The following AGPAT1 variants were observed in gnomAD, a reference collection of about 807,000 sequenced individuals.
The protein encoded by AGPAT1 is 1-acyl-sn-glycerol-3-phosphate acyltransferase alpha.
In AGPAT1, 6 loss-of-function variants were observed where a neutral mutation model predicts 31.2. The observed-to-expected ratio is 0.19, with a 90% confidence interval of 0.11 to 0.38. AGPAT1 has a LOEUF of 0.38. Ranked by LOEUF, AGPAT1 falls within the 10% of genes least tolerant of loss-of-function variation. The pLI is 1.00. For missense variants in AGPAT1, 187 were observed against 377.8 expected, an observed-to-expected ratio of 0.49 and a Z score of 4.19; for synonymous variants, 139 against 154.0, an observed-to-expected ratio of 0.90 and a Z score of 0.72.
Position 32,170,725 on chromosome 6 carries a change from G to A in AGPAT1, c.335-125C>T. 1 of 1,367,188 alleles carries A rather than the reference G, an allele frequency of 7.3e-7. No individual in the cohort carries two copies. Among genetic ancestry groups the A allele is most frequent in the Non-Finnish European group, 1.0e-6 (1 of 977,576 alleles). 84.7% of individuals were successfully genotyped at this position (1,367,188 alleles called of 1,614,324 possible). A position where few individuals can be genotyped will look rare whatever the true frequency, so the allele number is the denominator to read the frequency against. ...GGTGAAGGAGGAGACTAGGCAGGGA[G>A]GGGGGCCCCAAGTGAAGGAAAGGGT... On this transcript the variant is annotated intron_variant, in intron 3 of 6. Coordinates refer to ENST00000375107, the MANE Select transcript of AGPAT1 (RefSeq NM_006411.4). The surrounding 1 kb of genome is among the most constrained non-coding windows in gnomAD (Gnocchi z 7.7).
In AGPAT1 at chr6:32,170,176, C is replaced by T. The variant is rs766659199; in HGVS notation, c.595G>A (p.Val199Met). The T allele has an allele frequency of 6.2e-6, 10 of 1,614,014 alleles. No individual in the cohort carries two copies. The East Asian group carries it at 1.6e-4, about 25-fold the overall frequency. Reference sequence around the variant, plus strand: ...AGAGCAGTAGTCACCTGGGCCTGCACTGCAAGATGGAAGGCGCCACGTTTG... The same window carrying T: ...AGAGCAGTAGTCACCTGGGCCTGCATTGCAAGATGGAAGGCGCCACGTTTG... Reference protein sequence around the residue: ...PFKRGAFHLAVQAQVPIVPIV... With the variant: ...PFKRGAFHLAMQAQVPIVPIV... Residue 199 changes from valine to methionine, a missense_variant, in exon 5 of 7, where the codon GTG (valine) becomes ATG (methionine). Physicochemically the swap from Val to Met is conservative, Grantham distance 21. Coordinates refer to ENST00000375107, the MANE Select transcript of AGPAT1 (RefSeq NM_006411.4). The surrounding 1 kb of genome is among the most constrained non-coding windows in gnomAD (Gnocchi z 7.7).
Position 32,171,615 on chromosome 6 carries a change from G to A in AGPAT1, c.-9-110C>T, listed in dbSNP as rs1785113629. ...TGGTGCTATGAGGACAAGGGCCTGA[G>A]ACACAAACTGGGGCAGGGGTCTCAT... On this transcript the variant is annotated intron_variant, in intron 1 of 6. Coordinates refer to ENST00000375107, the MANE Select transcript of AGPAT1 (RefSeq NM_006411.4). The surrounding 1 kb of genome is among the most constrained non-coding windows in gnomAD (Gnocchi z 6.9). 1.4e-5 allele frequency: 20 copies of A among 1,410,386 alleles called. No homozygotes were observed. The highest frequency in any genetic ancestry group is 1.9e-5 in the Non-Finnish European group (20 of 1,048,598). 87.4% of individuals were successfully genotyped at this position (1,410,386 alleles called of 1,614,324 possible). A position where few individuals can be genotyped will look rare whatever the true frequency, so the allele number is the denominator to read the frequency against.
chr6:32,174,454 T>C lies in AGPAT1; in HGVS notation c.-10+1360A>G, dbSNP rs1439539568. 6.6e-6 allele frequency among the ~76,000 whole-genome samples: 1 copy of C among 152,180 alleles called. No individual in the cohort carries two copies. The highest frequency in any genetic ancestry group is 2.4e-5 in the African/African-American group (1 of 41,438). On this transcript the variant is annotated intron_variant, in intron 1 of 6. Transcript: ENST00000375107. This position sits in a 1 kb window ranked among gnomAD's most constrained non-coding sequence, Gnocchi z 4.5. ...GGAAGAGGTCATCTCACAAGAGAAATGTACCGAATGGGATCAAGATGCCAC... is the reference window on the plus strand; with the variant it reads ...GGAAGAGGTCATCTCACAAGAGAAACGTACCGAATGGGATCAAGATGCCAC...
Position 32,169,814 on chromosome 6 carries a change from C to T in AGPAT1, c.679+152G>A. Reference sequence around the variant, plus strand: ...CCCATCTGGCAGGGTATGGTGGGTGCTTAGTAAAGACTTATTGGCTGATGT... The same window carrying T: ...CCCATCTGGCAGGGTATGGTGGGTGTTTAGTAAAGACTTATTGGCTGATGT... On this transcript the variant is annotated intron_variant, in intron 6 of 6. Transcript: ENST00000375107. The surrounding 1 kb of genome is among the most constrained non-coding windows in gnomAD (Gnocchi z 5.9). 1.4e-6 allele frequency: 1 copy of T among 724,900 alleles called. No homozygotes were observed. Among genetic ancestry groups the T allele is most frequent in the Non-Finnish European group, 2.3e-6 (1 of 427,706 alleles). The allele number at this position is 724,900 out of a possible 1,614,324, so 44.9% of individuals were successfully genotyped here.
Position 32,169,259 on chromosome 6 carries a change from G to A in AGPAT1, c.*17C>T. 6.2e-7 allele frequency: 1 copy of A among 1,611,170 alleles called. No individual in the cohort carries two copies. Among genetic ancestry groups the A allele is most frequent in the Non-Finnish European group, 8.5e-7 (1 of 1,178,810 alleles). ...AGGAAGATGGGGACAGATGGGAGGA[G>A]AGCTCAGAGCCAGGGTTCACCCACC... On this transcript the variant is annotated 3_prime_UTR_variant, in exon 7 of 7. Transcript: ENST00000375107. This position sits in a 1 kb window ranked among gnomAD's most constrained non-coding sequence, Gnocchi z 5.9.
In AGPAT1 at chr6:32,171,414, C is replaced by G. The variant is rs1277567457; in HGVS notation, c.83G>C (p.Cys28Ser). The G allele has an allele frequency of 6.2e-7, 1 of 1,613,174 alleles. No homozygotes were observed. Among genetic ancestry groups the G allele is most frequent in the East Asian group, 2.2e-5 (1 of 44,886 alleles). ...LLFLLPTLWF[C>S]SPSAKYFFKM... Reference sequence around the variant, plus strand: ...GAAGAAGTACTTGGCACTGGGGCTGCAGAACCACAGGGTGGGCAGCAGGAA... The same window carrying G: ...GAAGAAGTACTTGGCACTGGGGCTGGAGAACCACAGGGTGGGCAGCAGGAA... The change falls in exon 2 of 7, where the codon TGC (cysteine) becomes TCC (serine). Residue 28 changes from cysteine (C) to serine (S), a missense_variant. By Grantham distance (112) the Cys-to-Ser change is moderately radical. This residue lies in a region of AGPAT1 where 45 missense variants were observed against 60.9 expected (regional missense o/e 0.74). Transcript: ENST00000375107. This position sits in a 1 kb window ranked among gnomAD's most constrained non-coding sequence, Gnocchi z 6.9.
rs1212482931 is a variant in AGPAT1 at position 32,169,092 on chromosome 6, G to A, written c.*184C>T. The A allele has an allele frequency of 4.6e-6, 3 of 657,800 alleles. No homozygotes were observed. The highest frequency in any genetic ancestry group is 7.7e-6 in the Non-Finnish European group (3 of 389,006). The allele number at this position is 657,800 out of a possible 1,614,324, so 40.7% of individuals were successfully genotyped here. A position where few individuals can be genotyped will look rare whatever the true frequency, so the allele number is the denominator to read the frequency against. ...ACCGAGGCAAGAGTCCATGGATGGG[G>A]CCAAGAGGGGGCAGGAGTGGCGCTG... On this transcript the variant is annotated 3_prime_UTR_variant, in exon 7 of 7. Coordinates refer to ENST00000375107, the MANE Select transcript of AGPAT1 (RefSeq NM_006411.4). This position sits in a 1 kb window ranked among gnomAD's most constrained non-coding sequence, Gnocchi z 5.9.
chr6:32,168,444 A>C lies in AGPAT1; in HGVS notation c.*832T>G. The C allele has an allele frequency of 6.4e-6, 1 of 157,308 alleles. No individual in the cohort carries two copies. The highest frequency in any genetic ancestry group is 1.9e-4 in the South Asian group (1 of 5,176). The allele number at this position is 157,308 out of a possible 1,614,324, so 9.7% of individuals were successfully genotyped here. A position where few individuals can be genotyped will look rare whatever the true frequency, so the allele number is the denominator to read the frequency against. On this transcript the variant is annotated 3_prime_UTR_variant, in exon 7 of 7. Coordinates refer to ENST00000375107, the MANE Select transcript of AGPAT1 (RefSeq NM_006411.4). This position sits in a 1 kb window ranked among gnomAD's most constrained non-coding sequence, Gnocchi z 4.5. Reference sequence around the variant, plus strand: ...AAAGAAATAAATTAAAAGCCCTCCTATCCCCTCCAGCCAGGGTTCGTTCCT... The same window carrying C: ...AAAGAAATAAATTAAAAGCCCTCCTCTCCCCTCCAGCCAGGGTTCGTTCCT...
rs955259975 is a variant in AGPAT1, at chr6:32,169,553, C to T, written c.680-105G>A. On this transcript the variant is annotated intron_variant, in intron 6 of 6. Coordinates refer to ENST00000375107, the MANE Select transcript of AGPAT1 (RefSeq NM_006411.4). This position sits in a 1 kb window ranked among gnomAD's most constrained non-coding sequence, Gnocchi z 5.9. ...CTTCCTCAACCTTTCAGTTCTCTTC[C>T]CCCAACCCTGGACAACCATCCCTGG... The T allele has an allele frequency of 5.0e-6, 7 of 1,402,708 alleles. No individual in the cohort carries two copies. In the East Asian group the frequency reaches 1.7e-4, roughly 33 times the overall value. The allele number at this position is 1,402,708 out of a possible 1,614,324, so 86.9% of individuals were successfully genotyped here.
At position 32,169,921 on chromosome 6, in the gene AGPAT1, G is replaced by A. The variant is rs145392229; in HGVS notation, c.679+45C>T. The A allele has an allele frequency of 7.4e-4, 1,147 of 1,547,874 alleles. 3 individuals carry two copies. Among genetic ancestry groups the A allele is most frequent in the Admixed American group, 2.4e-3 (146 of 59,594 alleles). ...CCTGCCTCACAGGGATGTCCTCCCA[G>A]CCTCTCCGGACACACCCTACCCCAG... On this transcript the variant is annotated intron_variant, in intron 6 of 6. Transcript: ENST00000375107. The surrounding 1 kb of genome is among the most constrained non-coding windows in gnomAD (Gnocchi z 5.9).
In AGPAT1 at chr6:32,171,622, A is replaced by C; in HGVS notation, c.-9-117T>G. 1 of 1,372,212 alleles carries C rather than the reference A, an allele frequency of 7.3e-7. No homozygotes were observed. Among genetic ancestry groups the C allele is most frequent in the South Asian group, 1.4e-5 (1 of 73,476 alleles). 85.0% of individuals were successfully genotyped at this position (1,372,212 alleles called of 1,614,324 possible). ...ATGAGGACAAGGGCCTGAGACACAA[A>C]CTGGGGCAGGGGTCTCATTGAAACC... On this transcript the variant is annotated intron_variant, in intron 1 of 6. Transcript: ENST00000375107. This position sits in a 1 kb window ranked among gnomAD's most constrained non-coding sequence, Gnocchi z 6.9.
At chr6:32,176,446 T>G (rs908906621), upstream of AGPAT1, 1 of 968,628 alleles carries the variant, frequency 1.0e-6, no homozygotes, top group African/African-American at 1.8e-5. Flanking sequence ...TCCCCCCAAC[T>G]ATTCTTAAGG....
rs1785336445 is a variant in AGPAT1, at chr6:32,174,229, C to CTG, written c.-10+1583_-10+1584dup. 6.6e-6 allele frequency among the ~76,000 whole-genome samples: 1 copy of CTG among 152,222 alleles called. No individual in the cohort carries two copies. The highest frequency in any genetic ancestry group is 1.9e-4 in the East Asian group (1 of 5,204). On this transcript the variant is annotated intron_variant, in intron 1 of 6. Transcript: ENST00000375107. The surrounding 1 kb of genome is among the most constrained non-coding windows in gnomAD (Gnocchi z 4.5). Reference sequence around the variant, plus strand: ...AACACTTGCTGAACAGATTCTAAGGCTGTATACCCACCCATAGAGCCACAG... The same window carrying CTG: ...AACACTTGCTGAACAGATTCTAAGGCTGTGTATACCCACCCATAGAGCCACAG...
rs1785338002 is a variant in AGPAT1, at chr6:32,174,247, A to G, written c.-10+1567T>C. Reference sequence around the variant, plus strand: ...TCTAAGGCTGTATACCCACCCATAGAGCCACAGTTAATGACAGAGATGGCG... The same window carrying G: ...TCTAAGGCTGTATACCCACCCATAGGGCCACAGTTAATGACAGAGATGGCG... On this transcript the variant is annotated intron_variant, in intron 1 of 6. Transcript: ENST00000375107. This position sits in a 1 kb window ranked among gnomAD's most constrained non-coding sequence, Gnocchi z 4.5. Among the ~76,000 whole-genome samples, 4 of 152,208 alleles carry G rather than the reference A, an allele frequency of 2.6e-5. No homozygotes were observed.
chr6:32,171,812 A>G lies in AGPAT1; in HGVS notation c.-9-307T>C. ...ATAAATGACAACAAGAATAATAGCT[A>G]ACACTTGTAGCTGGTAAGGGTCTTA... is the stretch of plus-strand genomic sequence containing the variant. On this transcript the variant is annotated intron_variant, in intron 1 of 6. Transcript: ENST00000375107. The surrounding 1 kb of genome is among the most constrained non-coding windows in gnomAD (Gnocchi z 6.9). The G allele has an allele frequency of 1.9e-6, 1 of 535,284 alleles. No homozygotes were observed. Among genetic ancestry groups the G allele is most frequent in the Non-Finnish European group, 3.4e-6 (1 of 298,056 alleles). The allele number at this position is 535,284 out of a possible 1,614,324, so 33.2% of individuals were successfully genotyped here. A position where few individuals can be genotyped will look rare whatever the true frequency, so the allele number is the denominator to read the frequency against.
chr6:32,172,783 A>G lies in AGPAT1; in HGVS notation c.-9-1278T>C, dbSNP rs968233824. ...TTAAAAGTTCGTGTCACTAATGCCA[A>G]CAGACACACAGTCATACAAAGACTA... On this transcript the variant is annotated intron_variant, in intron 1 of 6. Transcript: ENST00000375107. This position sits in a 1 kb window ranked among gnomAD's most constrained non-coding sequence, Gnocchi z 4.3. 2.0e-5 allele frequency among the ~76,000 whole-genome samples: 3 copies of G among 152,248 alleles called. No homozygotes were observed. The highest frequency in any genetic ancestry group is 1.3e-4 in the Admixed American group (2 of 15,284).
rs558147643 is a variant in AGPAT1 at position 32,172,993 on chromosome 6, C to T, written c.-9-1488G>A. ...CCAGACAGGCAAACGAATCCTACTACCCTTTCCCTTCCTTCTAGTGACACT... is the reference window on the plus strand; with the variant it reads ...CCAGACAGGCAAACGAATCCTACTATCCTTTCCCTTCCTTCTAGTGACACT... On this transcript the variant is annotated intron_variant, in intron 1 of 6. Coordinates refer to ENST00000375107, the MANE Select transcript of AGPAT1 (RefSeq NM_006411.4). The surrounding 1 kb of genome is among the most constrained non-coding windows in gnomAD (Gnocchi z 4.3). The T allele has an allele frequency of 3.1e-4, 47 of 152,318 alleles. No individual in the cohort carries two copies. The highest frequency in any genetic ancestry group is 1.1e-3 in the African/African-American group (46 of 41,562). The allele number at this position is 152,318 out of a possible 1,614,324, so 9.4% of individuals were successfully genotyped here. A position where few individuals can be genotyped will look rare whatever the true frequency, so the allele number is the denominator to read the frequency against.
rs1785062749 is a variant in AGPAT1, at chr6:32,171,145, C to T, written c.201-75G>A. 22 of 1,588,994 alleles carry T rather than the reference C, an allele frequency of 1.4e-5. 1 individual carries two copies. The South Asian group carries it at 1.9e-4, about 14-fold the overall frequency. ...GCATGCCTCAGCTCCCCCCACCTTA[C>T]TGTCTTTCTGACCACCTTTGCAGTC... is the stretch of plus-strand genomic sequence containing the variant. On this transcript the variant is annotated intron_variant, in intron 2 of 6. Transcript: ENST00000375107. The surrounding 1 kb of genome is among the most constrained non-coding windows in gnomAD (Gnocchi z 6.9).
chr6:32,174,712 G>A lies in AGPAT1; in HGVS notation c.-10+1102C>T, dbSNP rs533156427. Among the ~76,000 whole-genome samples, 2 of 152,302 alleles carry A rather than the reference G, an allele frequency of 1.3e-5. No homozygotes were observed. Among genetic ancestry groups the A allele is most frequent in the Admixed American group, 1.3e-4 (2 of 15,302 alleles). On this transcript the variant is annotated intron_variant, in intron 1 of 6. Transcript: ENST00000375107. The surrounding 1 kb of genome is among the most constrained non-coding windows in gnomAD (Gnocchi z 4.5). ...GCAGGGATGGTTCTTTGCAGACCTGGAGACCCAGTTACCTTCTTCTCTTAA... is the reference window on the plus strand; with the variant it reads ...GCAGGGATGGTTCTTTGCAGACCTGAAGACCCAGTTACCTTCTTCTCTTAA...
Sources: allele counts gnomAD v4.1 joint callset (sites outside exome capture counted in the v4.1 genomes callset), GRCh38; gene constraint gnomAD v4.1.1; regional missense constraint gnomAD v4.1.1; non-coding constraint Gnocchi (gnomAD v3.1); transcripts MANE v1.5; gene names NCBI Gene and HGNC (gene_info 2026-07-23, HGNC 2026-07-21).